The following SORBS2 variants were observed in gnomAD, a reference collection of about 807,000 sequenced individuals.
SORBS2 encodes sorbin and SH3 domain containing 2.
A neutral mutation model predicts 97.7 loss-of-function variants in SORBS2; 46 were observed. The observed-to-expected ratio is 0.47, with a 90% confidence interval of 0.37 to 0.60. The LOEUF is 0.60. Among genes scored for constraint, SORBS2 ranks in the 20% least tolerant of loss-of-function variants. The pLI, the probability that SORBS2 is intolerant of heterozygous loss-of-function variation, is 0.00. For missense variants in SORBS2, 1,316 were observed against 1,282.3 expected, an observed-to-expected ratio of 1.03 and a Z score of -0.40; for synonymous variants, 476 against 473.4, an observed-to-expected ratio of 1.01 and a Z score of -0.07.
intron 1 of SORBS2, among the ~76,000 whole-genome samples, chr4:185,806,702 C>T (rs1305140407): frequency 5.9e-5 from 9 of 152,178 alleles, no homozygotes; most frequent in South Asian, 2.1e-4. Context: ...TCGTGATCCG[C>T]CCGCCTCGGC....
intron 2 of SORBS2, among the ~76,000 whole-genome samples, chr4:185,696,717 C>G (rs529310368): frequency 6.6e-6 from 1 of 152,328 alleles, no homozygotes; most frequent in Non-Finnish European, 1.5e-5. Context: ...GCTAGGATTA[C>G]AGGTGTGAGT....
chr4:185,690,466 C>T, intron 2 of SORBS2, 96 bp downstream of exon 4: 2 of 654,308 alleles, frequency 3.1e-6, no homozygotes, highest in Non-Finnish European at 5.0e-6. Flanking sequence ...CTCAGAATCA[C>T]ATTTAGGATC....
chr4:185,626,652 T>C (rs2096820778), intron 6 of SORBS2, among the ~76,000 whole-genome samples, 180 bp downstream of exon 18: 1 of 152,164 alleles, frequency 6.6e-6, no homozygotes, highest in African/African-American at 2.4e-5. Flanking sequence ...GCAACCTAAG[T>C]GGCTCGCCAG....
intron 1 of SORBS2, among the ~76,000 whole-genome samples, chr4:185,781,006 C>T (rs984531914): frequency 6.6e-6 from 1 of 152,130 alleles, no homozygotes. Context: ...GGGGTGATCT[C>T]GGCTCACTGC....
chr4:185,589,781 G>A lies in SORBS2; in HGVS notation c.2851C>T (p.Gln951Ter). The change falls in exon 14 of 15, where the codon CAG (glutamine) becomes TAG (stop). Residue 951 changes from glutamine (Q) to a stop codon, truncating the protein, a stop_gained. Transcript: ENST00000418609. LOFTEE classifies it high-confidence loss of function. ...CTGGGAGTATAGTTATACAGAGCCT[G>A]AAACCTTAAACAGGACAAGGGAATG... The A allele has an allele frequency of 6.3e-7, 1 of 1,579,450 alleles. No individual in the cohort carries two copies. The highest frequency in any genetic ancestry group is 8.7e-7 in the Non-Finnish European group (1 of 1,148,460).
chr4:185,595,805 AT>A (rs1303034685), intron 12 of SORBS2, among the ~76,000 whole-genome samples: 1 of 150,920 alleles, frequency 6.6e-6, no homozygotes, highest in African/African-American at 2.4e-5. Flanking sequence ...TGCTATACAC[AT>A]TTTTTATGCA....
chr4:185,590,462 G>A (rs2095898533), intron 13 of SORBS2, among the ~76,000 whole-genome samples: 1 of 152,158 alleles, frequency 6.6e-6, no homozygotes, highest in African/African-American at 2.4e-5. Context: ...CTATGAAGTT[G>A]AGTAGATGTA....
chr4:185,754,694 T>A (rs1415020791), intron 2 of SORBS2, among the ~76,000 whole-genome samples: 1 of 151,794 alleles, frequency 6.6e-6, no homozygotes, highest in Non-Finnish European at 1.5e-5. Context: ...CTCAGTGGAG[T>A]GTGGGGTGGG....
chr4:185,696,595 A>G (rs955111439), intron 2 of SORBS2, among the ~76,000 whole-genome samples: 1 of 152,132 alleles, frequency 6.6e-6, no homozygotes, highest in African/African-American at 2.4e-5. Context: ...CTGGGATTAC[A>G]GGCATGCACC....
At chr4:185,788,862 A>G (rs973659770) in intron 1 of SORBS2, among the ~76,000 whole-genome samples, 5 of 152,190 alleles carry the variant, frequency 3.3e-5, no homozygotes, top group Non-Finnish European at 7.3e-5. Flanking sequence ...ACAGATTAAG[A>G]TCTATCCACT....
intron 1 of SORBS2, among the ~76,000 whole-genome samples, chr4:185,828,227 G>A (rs2099203030): frequency 6.6e-6 from 1 of 152,130 alleles, no homozygotes; most frequent in Admixed American, 6.5e-5. Context: ...ATGCTATGGT[G>A]CTGAGATAAC....
chr4:185,661,504 G>C (rs1235886774), upstream of SORBS2, among the ~76,000 whole-genome samples: 1 of 152,088 alleles, frequency 6.6e-6, no homozygotes, highest in Non-Finnish European at 1.5e-5. Context: ...GTCCTCAGAG[G>C]GTTGAGAACG....
At position 185,692,885 on chromosome 4, in the gene SORBS2, T is replaced by C. The variant is rs2098120641; in HGVS notation, c.-197-14063A>G. ...TCAATAAATGCTAAATTAATGAACA[T>C]TTAAAATAGGTAAAATCACAGTACT... On this transcript the variant is annotated intron_variant, in intron 2 of 20. Transcript: ENST00000284776. 2.0e-5 allele frequency among the ~76,000 whole-genome samples: 3 copies of C among 152,190 alleles called. No homozygotes were observed. The South Asian group carries it at 6.2e-4, about 31-fold the overall frequency.
intron 1 of SORBS2, among the ~76,000 whole-genome samples, chr4:185,941,710 G>T (rs115501603): frequency 6.6e-6 from 1 of 152,006 alleles, no homozygotes; most frequent in Non-Finnish European, 1.5e-5. Flanking sequence ...CTCCAGCCCC[G>T]CCTCCAATCT....
intron 2 of SORBS2, among the ~76,000 whole-genome samples, chr4:185,724,502 G>T (rs756346529): frequency 6.6e-6 from 1 of 152,062 alleles, no homozygotes; most frequent in Non-Finnish European, 1.5e-5. Context: ...TGAGAACTCC[G>T]GTGGGTGTTC....
At chr4:185,714,486 T>G (rs2098448801) in intron 2 of SORBS2, among the ~76,000 whole-genome samples, 2 of 152,050 alleles carry the variant, frequency 1.3e-5, no homozygotes, top group Admixed American at 6.6e-5. Flanking sequence ...ACAGAAAACC[T>G]ATAACCTAAA....
intron 1 of SORBS2, among the ~76,000 whole-genome samples, chr4:185,927,706 G>A (rs2099264418): frequency 6.6e-6 from 1 of 152,114 alleles, no homozygotes; most frequent in Non-Finnish European, 1.5e-5. Flanking sequence ...ATGAAATAAA[G>A]TTAAGTTTAT....
intron 1 of SORBS2, among the ~76,000 whole-genome samples, chr4:185,833,263 T>C (rs567655011): frequency 1.2e-4 from 19 of 152,326 alleles, no homozygotes; most frequent in African/African-American, 4.6e-4. Flanking sequence ...GGCTGATAAG[T>C]AACTGATCAG....
At chr4:185,661,378 C>T (rs901567547), upstream of SORBS2, among the ~76,000 whole-genome samples, 4 of 152,092 alleles carry the variant, frequency 2.6e-5, no homozygotes, top group Non-Finnish European at 5.9e-5. Flanking sequence ...GCTTCTTTCA[C>T]AGGAGGCCAC....
Sources: gnomAD v4.1 joint callset for allele counts (sites outside exome capture counted in the v4.1 genomes callset) on GRCh38, gnomAD v4.1.1 for gene constraint, MANE v1.5 for transcripts, NCBI Gene and HGNC (gene_info 2026-07-23, HGNC 2026-07-21) for gene names.